The following PCDH15 variants were observed in gnomAD, a reference collection of about 807,000 sequenced individuals.
PCDH15 encodes the protein protocadherin-15.
PCDH15 carries 129 observed loss-of-function variants against 178.5 expected under a neutral mutation model. The ratio of observed to expected loss-of-function variants is 0.72; its 90% CI spans 0.63 to 0.84. The LOEUF is 0.84. Among genes scored for constraint, PCDH15 ranks in the 40% least tolerant of loss-of-function variants. The pLI is 0.00. For missense variants in PCDH15, 2,230 were observed against 2,099.9 expected (o/e 1.06, Z -1.21); for synonymous variants, 800 against 732.0 (o/e 1.09, Z -1.50).
At chr10:54,562,656 T>C (rs1042769634) in intron 2 of PCDH15, among the ~76,000 whole-genome samples, 2 of 152,136 alleles carry the variant, frequency 1.3e-5, no homozygotes, top group East Asian at 3.9e-4. Flanking sequence ...CAAGTATACA[T>C]AGCACATGCT....
At chr10:53,946,455 C>T (rs1251666262) in intron 23 of PCDH15, among the ~76,000 whole-genome samples, 1 of 152,126 alleles carries the variant, frequency 6.6e-6, no homozygotes, top group Non-Finnish European at 1.5e-5. Flanking sequence ...TTTAACTTTT[C>T]TAGAATGTCA....
chr10:55,609,756 G>A (rs553666919), intron 2 of PCDH15, among the ~76,000 whole-genome samples: 3 of 152,034 alleles, frequency 2.0e-5, no homozygotes, highest in Admixed American at 6.6e-5. Flanking sequence ...TTCATAAAAT[G>A]AGTCAACACT....
intron 2 of PCDH15, among the ~76,000 whole-genome samples, chr10:54,970,517 G>A (rs1295147414): frequency 6.6e-6 from 1 of 152,102 alleles, no homozygotes; most frequent in Non-Finnish European, 1.5e-5. Flanking sequence ...AGGTGAAAAT[G>A]AGAAACAAAG....
At chr10:55,265,423 C>T (rs950002478) in intron 1 of PCDH15, among the ~76,000 whole-genome samples, 14 of 151,458 alleles carry the variant, frequency 9.2e-5, no homozygotes, top group South Asian at 4.2e-4. Flanking sequence ...CCTGGGGAGA[C>T]GTTATGTCAT....
intron 5 of PCDH15, among the ~76,000 whole-genome samples, chr10:54,348,019 T>C (rs999808308): frequency 5.3e-5 from 8 of 151,444 alleles, no homozygotes; most frequent in African/African-American, 1.7e-4. Flanking sequence ...CGGCTAATTT[T>C]TTGTATTTTT....
chr10:54,619,998 A>T (rs1266333905), intron 2 of PCDH15, among the ~76,000 whole-genome samples: 1 of 152,096 alleles, frequency 6.6e-6, no homozygotes, highest in Non-Finnish European at 1.5e-5. Flanking sequence ...AATCAAAAAA[A>T]CAGATATTTC....
intron 2 of PCDH15, chr10:54,528,463 G>GAA: frequency 8.2e-6 from 11 of 1,340,738 alleles, no homozygotes; most frequent in Non-Finnish European, 1.0e-5. Context: ...AGAAAGAAAG[G>GAA]AAGAGAGAAT....
chr10:54,662,669 A>T lies in PCDH15; in HGVS notation c.91+1503T>A, dbSNP rs372876316. Among the ~76,000 whole-genome samples the T allele has an allele frequency of 2.0e-5, 3 of 152,038 alleles. No homozygotes were observed. In the East Asian group the frequency reaches 5.8e-4, roughly 29 times the overall value. ...GTGATTTCCTCTGTTAACTAAAATT[A>T]CATTACTAAAAAGTGCATGGTTCGT... On this transcript the variant is annotated intron_variant, in intron 2 of 37. Transcript: ENST00000644397.
chr10:55,573,282 T>C (rs1842440099), intron 2 of PCDH15, among the ~76,000 whole-genome samples: 1 of 152,110 alleles, frequency 6.6e-6, no homozygotes. Context: ...CAACTGGCAG[T>C]ATAGCTGTAC....
intron 2 of PCDH15, among the ~76,000 whole-genome samples, chr10:55,043,602 C>T (rs975893867): frequency 2.6e-5 from 4 of 151,496 alleles, no homozygotes; most frequent in Non-Finnish European, 4.4e-5. Context: ...CCCAGCTACT[C>T]GGGAGACTGA....
chr10:55,552,079 C>G (rs1413389856), intron 2 of PCDH15, among the ~76,000 whole-genome samples: 22 of 151,684 alleles, frequency 1.5e-4, no homozygotes, highest in Non-Finnish European at 3.0e-5. Context: ...TTATTTATTG[C>G]TTTCTTACAT....
intron 2 of PCDH15, among the ~76,000 whole-genome samples, chr10:54,543,485 C>T (rs1421045456): frequency 3.9e-5 from 6 of 152,202 alleles, no homozygotes; most frequent in African/African-American, 1.4e-4. Flanking sequence ...ACACCCCCAA[C>T]GCATGCCCTG....
At chr10:54,795,743 T>C (rs1591672172) in intron 1 of PCDH15, among the ~76,000 whole-genome samples, 1 of 152,002 alleles carries the variant, frequency 6.6e-6, no homozygotes, top group Non-Finnish European at 1.5e-5. Flanking sequence ...AGCTTATCAA[T>C]ATTAAATTAC....
At position 55,249,069 on chromosome 10, in the gene PCDH15, T is replaced by G. The variant is rs767182867; in HGVS notation, c.-156+70530A>C. On this transcript the variant is annotated intron_variant, in intron 1 of 5. Coordinates refer to the PCDH15 transcript ENST00000458638. The stretch of plus-strand genomic sequence containing the variant: ...GTAAATCTATAAAAAGACAGACTCA[T>G]TTGGAAGTAGATAGATAAACAAACG... 3.4e-4 allele frequency among the ~76,000 whole-genome samples: 51 copies of G among 152,208 alleles called. 1 individual carries two copies. The highest frequency in any genetic ancestry group is 3.4e-3 in the Middle Eastern group (1 of 292).
At chr10:54,945,910 C>A (rs1354901650) in intron 2 of PCDH15, among the ~76,000 whole-genome samples, 1 of 151,668 alleles carries the variant, frequency 6.6e-6, no homozygotes, top group African/African-American at 2.4e-5. Flanking sequence ...ATGTGTGGCA[C>A]CTGCCTTTTA....
At chr10:55,328,075 A>T (rs1844081899) in intron 2 of PCDH15, among the ~76,000 whole-genome samples, 1 of 152,008 alleles carries the variant, frequency 6.6e-6, no homozygotes, top group South Asian at 2.1e-4. Context: ...TAATAAAACG[A>T]AACTTTGTAT....
In PCDH15 at chr10:54,390,772, G is replaced by A. The variant is rs563469191; in HGVS notation, c.158-11830C>T. On this transcript the variant is annotated intron_variant, in intron 3 of 37. Coordinates refer to ENST00000644397, the MANE Select transcript of PCDH15 (RefSeq NM_001384140.1). Reference sequence around the variant, plus strand: ...AACTGTCCAAATATAGTTACTGTAAGGCTATTAGGCAGAAGAGGACTAGAG... The same window carrying A: ...AACTGTCCAAATATAGTTACTGTAAAGCTATTAGGCAGAAGAGGACTAGAG... 2.0e-5 allele frequency among the ~76,000 whole-genome samples: 3 copies of A among 152,252 alleles called. No homozygotes were observed. In the South Asian group the frequency reaches 6.2e-4, roughly 32 times the overall value.
intron 2 of PCDH15, among the ~76,000 whole-genome samples, chr10:55,048,956 C>A (rs1434896805): frequency 6.6e-6 from 1 of 151,880 alleles, no homozygotes; most frequent in African/African-American, 2.4e-5. Context: ...GCTTATTTAA[C>A]AAATAACTGT....
intron 3 of PCDH15, among the ~76,000 whole-genome samples, chr10:54,873,959 T>C (rs890937969): frequency 1.0e-4 from 15 of 150,294 alleles, no homozygotes; most frequent in African/African-American, 3.4e-4. Flanking sequence ...TTTTTTCTTT[T>C]ATTTATTTAT....
Sources: gnomAD v4.1 joint callset for allele counts (sites outside exome capture counted in the v4.1 genomes callset) on GRCh38, gnomAD v4.1.1 for gene constraint, MANE v1.5 for transcripts, NCBI Gene and HGNC (gene_info 2026-07-23, HGNC 2026-07-21) for gene names.